Variants in TANC2 observed in about 807,000 individuals in gnomAD.
TANC2 encodes the protein tetratricopeptide repeat, ankyrin repeat and coiled-coil containing 2, also known as protein TANC2.
Under a neutral mutation model 210.5 loss-of-function variants are expected in TANC2, and 26 were observed. That is an observed-to-expected ratio of 0.12 (90% CI 0.09 to 0.17). The LOEUF (loss-of-function observed/expected upper bound fraction) is 0.17, where lower values mean the gene tolerates loss of function less well. TANC2 is among the 10% of genes least tolerant of loss of function. The pLI is 1.00. For missense variants in TANC2, 2,129 were observed against 2,608.9 expected (o/e 0.82, Z 4.01); for synonymous variants, 931 against 967.1 (o/e 0.96, Z 0.69).
intron 14 of TANC2, among the ~76,000 whole-genome samples, chr17:63,365,168 C>G (rs939340279): frequency 6.6e-6 from 1 of 152,184 alleles, no homozygotes; most frequent in Non-Finnish European, 1.5e-5. Flanking sequence ...TGCAACATGA[C>G]AGCATATTCT....
intron 14 of TANC2, among the ~76,000 whole-genome samples, chr17:63,379,335 G>C (rs772663782): frequency 2.6e-5 from 4 of 152,146 alleles, no homozygotes; most frequent in Non-Finnish European, 5.9e-5. Context: ...TTGGAGGTAT[G>C]ACTGGACCTG....
At chr17:63,367,430 G>T (rs2146988875) in intron 14 of TANC2, among the ~76,000 whole-genome samples, 1 of 152,234 alleles carries the variant, frequency 6.6e-6, no homozygotes. Context: ...TCTGGTATCT[G>T]TAGTGTTAGT....
chr17:63,109,741 A>C (rs1180535697), intron 4 of TANC2, among the ~76,000 whole-genome samples: 1 of 151,770 alleles, frequency 6.6e-6, no homozygotes, highest in Non-Finnish European at 1.5e-5. Context: ...GAACACTTTC[A>C]GTGATAGTGA....
chr17:63,413,129 T>G (rs1018158818), intron 24 of TANC2: 159 of 209,196 alleles, frequency 7.6e-4, no homozygotes, highest in African/African-American at 3.6e-3. Flanking sequence ...ATTTTAAAGT[T>G]AAGAGGCTAA....
intron 11 of TANC2, among the ~76,000 whole-genome samples, chr17:63,332,818 T>C (rs2045902153): frequency 6.6e-6 from 1 of 152,190 alleles, no homozygotes; most frequent in African/African-American, 2.4e-5. Flanking sequence ...CCAATGTTCA[T>C]TTACCATTCC....
intron 7 of TANC2, among the ~76,000 whole-genome samples, chr17:63,208,016 G>A (rs953058593): frequency 1.3e-5 from 2 of 152,028 alleles, no homozygotes; most frequent in African/African-American, 2.4e-5. Flanking sequence ...TAGCCAATTA[G>A]GTTTCCTCTT....
intron 3 of TANC2, among the ~76,000 whole-genome samples, chr17:63,075,253 T>C (rs1197986862): frequency 6.6e-6 from 1 of 152,208 alleles, no homozygotes; most frequent in Non-Finnish European, 1.5e-5. Context: ...CAAATTTTAT[T>C]AAGTATCAAA....
At chr17:63,197,171 G>T (rs936787741) in intron 6 of TANC2, among the ~76,000 whole-genome samples, 1 of 152,072 alleles carries the variant, frequency 6.6e-6, no homozygotes, top group East Asian at 1.9e-4. Flanking sequence ...CATAGCTTTC[G>T]TACTTTCATT....
At chr17:63,344,941 A>G (rs2046351340) in intron 12 of TANC2, among the ~76,000 whole-genome samples, 1 of 152,146 alleles carries the variant, frequency 6.6e-6, no homozygotes, top group African/African-American at 2.4e-5. Flanking sequence ...CATATATGAA[A>G]CCTGACTACC....
chr17:63,249,501 T>G (rs1240842379), intron 8 of TANC2, among the ~76,000 whole-genome samples: 1 of 152,108 alleles, frequency 6.6e-6, no homozygotes, highest in Non-Finnish European at 1.5e-5. Flanking sequence ...ACAGCTGTCG[T>G]CAGTGCTTTG....
intron 9 of TANC2, among the ~76,000 whole-genome samples, chr17:63,292,081 G>A (rs982515528): frequency 6.6e-6 from 1 of 152,172 alleles, no homozygotes; most frequent in Non-Finnish European, 1.5e-5. Flanking sequence ...TTAAGTTTGA[G>A]ATTTCTATTG....
Position 63,301,056 on chromosome 17 carries a change from T to TTC in TANC2, c.1160-13330_1160-13329dup, listed in dbSNP as rs202143747. ...ATGATCATGTGGTTTTTGTCATTGG[T>TTC]TCTGTTTATGTGATAGATTATGTTT... On this transcript the variant is annotated intron_variant, in intron 9 of 27. Coordinates refer to ENST00000689528, the Ensembl canonical transcript of TANC2. 1.4e-3 allele frequency among the ~76,000 whole-genome samples: 213 copies of TTC among 152,312 alleles called. 4 individuals are homozygous for TTC. The East Asian group carries it at 0.038, about 27-fold the overall frequency.
intron 11 of TANC2, among the ~76,000 whole-genome samples, chr17:63,328,917 GTCAA>G (rs1359525403): frequency 1.3e-5 from 2 of 151,962 alleles, no homozygotes; most frequent in Non-Finnish European, 2.9e-5. Flanking sequence ...ATTATGATTA[GTCAA>G]TCAAACATAA....
chr17:63,421,595 A>G lies in TANC2; in HGVS notation c.5865A>G (p.Ser1955=), dbSNP rs751225484. 64 of 1,613,890 alleles carry G rather than the reference A, an allele frequency of 4.0e-5. No homozygotes were observed. The highest frequency in any genetic ancestry group is 5.4e-5 in the Non-Finnish European group (64 of 1,179,886). ...AGCAGAATCGGACCTGGGCAGTGTC[A>G]TCTGTGGACACCGTCCTCAGTCCCA... is the stretch of plus-strand genomic sequence containing the variant. Residue 1955 remains serine, a synonymous_variant, in exon 28 of 28, where the codon TCA becomes TCG. Transcript: ENST00000689528. This position sits in a 1 kb window ranked among gnomAD's most constrained non-coding sequence, Gnocchi z 6.9.
At chr17:63,301,232 A>C (rs1480351840) in intron 9 of TANC2, among the ~76,000 whole-genome samples, 1 of 152,066 alleles carries the variant, frequency 6.6e-6, no homozygotes, top group Non-Finnish European at 1.5e-5. Context: ...TATTGGCCTA[A>C]AGTTTTCTTT....
intron 8 of TANC2, among the ~76,000 whole-genome samples, chr17:63,242,608 T>A (rs1474343107): frequency 6.6e-6 from 1 of 152,100 alleles, no homozygotes; most frequent in Non-Finnish European, 1.5e-5. Context: ...AATTATAATA[T>A]ATGTAAGAGA....
At chr17:63,101,286 T>C (rs997621616) in intron 4 of TANC2, among the ~76,000 whole-genome samples, 3 of 152,216 alleles carry the variant, frequency 2.0e-5, no homozygotes, top group Admixed American at 1.3e-4. Flanking sequence ...AAAGAAATTT[T>C]CTCCAAAGAA....
intron 7 of TANC2, among the ~76,000 whole-genome samples, chr17:63,218,032 C>G (rs1237063157): frequency 1.3e-5 from 2 of 151,510 alleles, no homozygotes; most frequent in African/African-American, 4.8e-5. Context: ...CGCCGTAATA[C>G]CAGCACTTTG....
chr17:63,129,783 TAC>T (rs1328015750), intron 4 of TANC2, among the ~76,000 whole-genome samples: 2 of 152,154 alleles, frequency 1.3e-5, no homozygotes, highest in Non-Finnish European at 2.9e-5. Context: ...TATATATCTA[TAC>T]AGTTATAAAA....
Sources: allele counts gnomAD v4.1 joint callset (sites outside exome capture counted in the v4.1 genomes callset), GRCh38; gene constraint gnomAD v4.1.1; non-coding constraint Gnocchi (gnomAD v3.1); transcripts MANE v1.5; gene names NCBI Gene and HGNC (gene_info 2026-07-23, HGNC 2026-07-21).